Variants in WDR7 observed in about 807,000 individuals in gnomAD.
The protein encoded by WDR7 is WD repeat-containing protein 7.
A neutral mutation model predicts 169.4 loss-of-function variants in WDR7; 46 were observed. That is an observed-to-expected ratio of 0.27 (90% CI 0.21 to 0.35). The LOEUF (loss-of-function observed/expected upper bound fraction) is 0.35, where lower values mean the gene tolerates loss of function less well. Among genes scored for constraint, WDR7 ranks in the 10% least tolerant of loss-of-function variants. The pLI is 1.00. For synonymous variants in WDR7, 612 were observed against 666.8 expected, an observed-to-expected ratio of 0.92 and a Z score of 1.27; for missense variants, 1,534 against 1,859.3, an observed-to-expected ratio of 0.83 and a Z score of 3.22.
At chr18:56,999,574 G>C (rs967151161) in intron 26 of WDR7, among the ~76,000 whole-genome samples, 8 of 152,008 alleles carry the variant, frequency 5.3e-5, no homozygotes, top group Non-Finnish European at 8.8e-5. Flanking sequence ...CTAAGTCCTT[G>C]AAAAATCTCT....
intron 21 of WDR7, among the ~76,000 whole-genome samples, chr18:56,896,869 G>C (rs553061309): frequency 2.8e-4 from 42 of 151,664 alleles, no homozygotes; most frequent in African/African-American, 9.4e-4. Flanking sequence ...AAAAATACTT[G>C]AAAGAAAGTG....
intron 25 of WDR7, among the ~76,000 whole-genome samples, chr18:56,958,592 A>G (rs1000245810): frequency 2.6e-5 from 4 of 152,212 alleles, no homozygotes; most frequent in Admixed American, 2.6e-4. Flanking sequence ...ATATAACTAC[A>G]TATTTTTTAT....
intron 25 of WDR7, among the ~76,000 whole-genome samples, chr18:56,943,615 A>G (rs1219408052): frequency 6.6e-6 from 1 of 152,218 alleles, no homozygotes; most frequent in African/African-American, 2.4e-5. Flanking sequence ...ACAAAATATT[A>G]GCTAATATGT....
intron 20 of WDR7, among the ~76,000 whole-genome samples, chr18:56,835,732 C>T (rs1452975171): frequency 5.3e-5 from 8 of 152,038 alleles, no homozygotes; most frequent in Non-Finnish European, 7.4e-5. Context: ...AAACTTATGT[C>T]TTATGTTACT....
intron 19 of WDR7, among the ~76,000 whole-genome samples, chr18:56,798,715 A>G (rs543154894): frequency 1.8e-4 from 28 of 152,178 alleles, no homozygotes; most frequent in Admixed American, 4.6e-4. Flanking sequence ...TCCATTTAGT[A>G]TTTGCTATTG....
intron 1 of WDR7, among the ~76,000 whole-genome samples, chr18:56,657,098 A>G (rs560053673): frequency 6.6e-6 from 1 of 151,712 alleles, no homozygotes; most frequent in East Asian, 1.9e-4. Context: ...GGAACTATGT[A>G]GTGCCTTTAT....
At chr18:56,861,334 G>A (rs28569769) in intron 20 of WDR7, among the ~76,000 whole-genome samples, 8,652 of 152,270 alleles carry the variant, frequency 0.057, 875 homozygotes, top group African/African-American at 0.2. Context: ...GACAGCTTAA[G>A]GCTTAATTGA....
chr18:56,811,406 C>T (rs10163549), intron 19 of WDR7, among the ~76,000 whole-genome samples: 19,367 of 152,026 alleles, frequency 0.13, 1,874 homozygotes, highest in African/African-American at 0.27. Context: ...ACTTGTTGGA[C>T]GTGTGATTTG....
intron 20 of WDR7, among the ~76,000 whole-genome samples, chr18:56,861,223 C>T (rs375419182): frequency 6.6e-6 from 1 of 152,186 alleles, no homozygotes; most frequent in South Asian, 2.1e-4. Flanking sequence ...TATTCAGAGG[C>T]AATTAAACTG....
intron 21 of WDR7, among the ~76,000 whole-genome samples, chr18:56,903,879 C>T (rs1331896171): frequency 6.6e-6 from 1 of 152,110 alleles, no homozygotes; most frequent in East Asian, 1.9e-4. Flanking sequence ...GTTGTGACCT[C>T]GTTTGATTCC....
chr18:56,711,078 G>T (rs79255980), intron 12 of WDR7, among the ~76,000 whole-genome samples: 1 of 149,634 alleles, frequency 6.7e-6, no homozygotes. Flanking sequence ...TCCTCTCCAA[G>T]GGTTATTAGT....
At chr18:56,971,747 T>G (rs959509599) in intron 26 of WDR7, among the ~76,000 whole-genome samples, 5 of 152,110 alleles carry the variant, frequency 3.3e-5, no homozygotes, top group Non-Finnish European at 5.9e-5. Context: ...GTATAACATA[T>G]GCAAAGCCCA....
intron 22 of WDR7, among the ~76,000 whole-genome samples, chr18:56,927,085 T>C (rs1255892152): frequency 6.6e-6 from 1 of 152,208 alleles, no homozygotes; most frequent in Non-Finnish European, 1.5e-5. Context: ...TTCACGTTTA[T>C]TGAAAAAGAA....
At chr18:56,984,464 A>G (rs780935431) in intron 26 of WDR7, among the ~76,000 whole-genome samples, 1 of 152,208 alleles carries the variant, frequency 6.6e-6, no homozygotes, top group Non-Finnish European at 1.5e-5. Flanking sequence ...GTTCTTATTT[A>G]CCCTTCTAAT....
intron 14 of WDR7, among the ~76,000 whole-genome samples, chr18:56,744,521 G>T (rs1052926859): frequency 6.6e-6 from 1 of 152,138 alleles, no homozygotes; most frequent in Non-Finnish European, 1.5e-5. Context: ...AAAGGGAATG[G>T]AGGGTGGTTG....
At chr18:56,858,141 T>G (rs1163851029) in intron 20 of WDR7, among the ~76,000 whole-genome samples, 2 of 152,200 alleles carry the variant, frequency 1.3e-5, no homozygotes, top group African/African-American at 4.8e-5. Context: ...TACTTTAAGC[T>G]GTTATGCTTG....
At chr18:56,962,374 A>G in intron 25 of WDR7, 56 bp from the exon 26 acceptor site, 6 of 1,441,486 alleles carry the variant, frequency 4.2e-6, no homozygotes, top group Non-Finnish European at 4.9e-6. Context: ...TTCCAAGTGC[A>G]GGTCATCTCA....
At chr18:56,962,576 TGAAAG>T in intron 26 of WDR7, 47 bp downstream of exon 26, 2 of 1,565,764 alleles carry the variant, frequency 1.3e-6, no homozygotes, top group Non-Finnish European at 1.8e-6. Context: ...TGGAAGTTAT[TGAAAG>T]GAGAGAGAGA....
intron 2 of WDR7, among the ~76,000 whole-genome samples, chr18:56,674,553 A>C (rs558879495): frequency 2.0e-5 from 3 of 152,134 alleles, no homozygotes; most frequent in African/African-American, 7.2e-5. Context: ...AAAATTCTTC[A>C]TATATTCTAG....
Sources: allele counts gnomAD v4.1 joint callset (sites outside exome capture counted in the v4.1 genomes callset), GRCh38; gene constraint gnomAD v4.1.1; transcripts MANE v1.5; gene names NCBI Gene and HGNC (gene_info 2026-07-23, HGNC 2026-07-21).